The following POLQ variants were observed in gnomAD, a reference collection of about 807,000 sequenced individuals.
POLQ encodes epididymis secretory sperm binding protein.
In POLQ, 233 loss-of-function variants were observed where a neutral mutation model predicts 259.2. That is an observed-to-expected ratio of 0.90 (90% CI 0.81 to 1.00). The LOEUF (loss-of-function observed/expected upper bound fraction) is 1.00. Ranked by LOEUF, POLQ falls within the 50% of genes least tolerant of loss-of-function variation. POLQ has a pLI of 0.00. For missense variants in POLQ, 2,871 were observed against 3,051.6 expected (o/e 0.94, Z 1.39); for synonymous variants, 1,025 against 1,048.8 (o/e 0.98, Z 0.44).
chr3:121,502,463 C>T (rs544122851), intron 12 of POLQ, among the ~76,000 whole-genome samples: 2 of 152,212 alleles, frequency 1.3e-5, no homozygotes, highest in Admixed American at 1.3e-4. Context: ...CTCAGCCTAC[C>T]GAAGTGCTGA....
intron 7 of POLQ, among the ~76,000 whole-genome samples, 172 bp from the exon 8 acceptor site, chr3:121,522,321 T>G (rs2048343144): frequency 9.2e-6 from 1 of 109,226 alleles, no homozygotes; most frequent in Non-Finnish European, 1.8e-5. Flanking sequence ...TTTTTTTTTT[T>G]TGAGACGGAG....
chr3:121,484,758 C>T (rs112075554), intron 17 of POLQ, among the ~76,000 whole-genome samples: 2,648 of 151,994 alleles, frequency 0.017, 68 homozygotes, highest in African/African-American at 0.059. Context: ...CAAAATTAGC[C>T]GGCGCAGTGG....
At position 121,488,603 on chromosome 3, in the gene POLQ, T is replaced by C. The variant is rs1178308094; in HGVS notation, c.4328A>G (p.Asn1443Ser). The change falls in exon 16 of 30, where the codon AAT (asparagine) becomes AGT (serine). Residue 1443 changes from asparagine to serine, a missense_variant. Physicochemically the swap from Asn to Ser is conservative, Grantham distance 46. Transcript: ENST00000264233. ...NEVSVTDSQL[N>S]SFLQGYQTQE... Reference sequence around the variant, plus strand: ...TGTTTGATAACCTTGAAGAAAACTATTTAATTGTGAATCAGTAACAGAAAC... The same window carrying C: ...TGTTTGATAACCTTGAAGAAAACTACTTAATTGTGAATCAGTAACAGAAAC... The C allele has an allele frequency of 1.2e-6, 2 of 1,607,014 alleles. No homozygotes were observed. The highest frequency in any genetic ancestry group is 1.7e-6 in the Non-Finnish European group (2 of 1,177,906).
intron 15 of POLQ, among the ~76,000 whole-genome samples, chr3:121,493,128 C>A (rs1051875605): frequency 6.6e-6 from 1 of 151,728 alleles, no homozygotes; most frequent in African/African-American, 2.4e-5. Context: ...ATGGTGAAAC[C>A]CTGTCTCTAC....
intron 7 of POLQ, among the ~76,000 whole-genome samples, chr3:121,525,845 G>T (rs1451141947): frequency 1.3e-5 from 2 of 152,058 alleles, no homozygotes; most frequent in Non-Finnish European, 1.5e-5. Context: ...GTGTCTACTA[G>T]CTCTTGAATT....
intron 26 of POLQ, among the ~76,000 whole-genome samples, chr3:121,444,534 C>T (rs972169149): frequency 2.6e-5 from 4 of 152,146 alleles, no homozygotes; most frequent in Non-Finnish European, 4.4e-5. Flanking sequence ...ATCATATCTT[C>T]TACAAACAAG....
chr3:121,480,333 T>C (rs1452272108), intron 19 of POLQ, among the ~76,000 whole-genome samples: 2 of 152,318 alleles, frequency 1.3e-5, no homozygotes, highest in African/African-American at 4.8e-5. Flanking sequence ...AACATATCTA[T>C]ATCTCTTTCT....
At chr3:121,499,483 G>C (rs73193629) in intron 12 of POLQ, among the ~76,000 whole-genome samples, 5,498 of 152,112 alleles carry the variant, frequency 0.036, 151 homozygotes, top group Middle Eastern at 0.082. Context: ...TCAGACTCCT[G>C]GCCTCAAGCA....
chr3:121,458,398 A>AAAAT (rs574702472), intron 25 of POLQ, among the ~76,000 whole-genome samples: 2,183 of 151,870 alleles, frequency 0.014, 48 homozygotes, highest in African/African-American at 0.049. Flanking sequence ...TAATAAAATA[A>AAAAT]AAATAAATAA....
rs776736443 is a variant in POLQ at position 121,489,341 on chromosome 3, C to T, written c.3590G>A (p.Arg1197Gln). Residue 1197 changes from arginine (R) to glutamine (Q), a missense_variant, in exon 16 of 30, where the codon CGA becomes CAA. Physicochemically the swap from Arg to Gln is conservative, Grantham distance 43. Transcript: ENST00000264233. ...GCTTGTCTGTTCATGAGATTGCTTT[C>T]GCAGGTACTGGTTAATTGGATGGAT... ...HDIHPINQYL[R>Q]KQSHEQTSTI... The T allele has an allele frequency of 3.7e-6, 6 of 1,613,208 alleles. No homozygotes were observed. The highest frequency in any genetic ancestry group is 1.7e-5 in the Admixed American group (1 of 59,848).
intron 20 of POLQ, among the ~76,000 whole-genome samples, chr3:121,474,680 GT>G (rs1417804999): frequency 6.6e-6 from 1 of 152,154 alleles, no homozygotes; most frequent in Non-Finnish European, 1.5e-5. Flanking sequence ...TTGAACTGGG[GT>G]TTTAGGAATG....
At chr3:121,528,636 C>G (rs1385264721) in intron 7 of POLQ, among the ~76,000 whole-genome samples, 2 of 152,016 alleles carry the variant, frequency 1.3e-5, no homozygotes, top group African/African-American at 4.8e-5. Context: ...AGCCACCACG[C>G]CTGGCAGAAA....
rs369777633 is a variant in POLQ at position 121,489,116 on chromosome 3, G to A, written c.3815C>T (p.Ala1272Val). 10 of 1,613,594 alleles carry A rather than the reference G, an allele frequency of 6.2e-6. No homozygotes were observed. The East Asian group carries it at 6.7e-5, about 11-fold the overall frequency. ...TVIPSEVLPS[A>V]GAFSKSEGQH... is the part of the protein sequence containing the mutation. Reference sequence around the variant, plus strand: ...GCCTTCTGATTTGCTAAATGCTCCAGCTGATGGAAGTACTTCACTGGGTAT... The same window carrying A: ...GCCTTCTGATTTGCTAAATGCTCCAACTGATGGAAGTACTTCACTGGGTAT... Residue 1272 changes from alanine (A) to valine (V), a missense_variant, in exon 16 of 30, where the codon GCT becomes GTT. By Grantham distance (64) the Ala-to-Val change is moderately conservative. Around this residue, in one of 3 missense-constraint regions of POLQ, gnomAD observed 2,080 missense variants for 2,126.0 expected, o/e 0.98. Coordinates refer to ENST00000264233, the MANE Select transcript of POLQ (RefSeq NM_199420.4).
At chr3:121,442,754 A>G (rs2047604538) in intron 26 of POLQ, among the ~76,000 whole-genome samples, 1 of 152,170 alleles carries the variant, frequency 6.6e-6, no homozygotes, top group Non-Finnish European at 1.5e-5. Context: ...TAAACATGGG[A>G]GTGCATGCAG....
intron 12 of POLQ, among the ~76,000 whole-genome samples, chr3:121,501,661 C>CAAAAAAAA (rs60180456): frequency 2.5e-5 from 1 of 39,942 alleles, no homozygotes; most frequent in African/African-American, 1.1e-4. Context: ...GACTCCGTCT[C>CAAAAAAAA]AAAAAAAAAA....
intron 6 of POLQ, among the ~76,000 whole-genome samples, chr3:121,530,605 G>T (rs1254121436): frequency 6.6e-6 from 1 of 152,188 alleles, no homozygotes; most frequent in Non-Finnish European, 1.5e-5. Flanking sequence ...TAGCTGAGAT[G>T]TGAAGGTGGG....
At chr3:121,456,008 G>A (rs1324758479) in intron 25 of POLQ, among the ~76,000 whole-genome samples, 2 of 152,128 alleles carry the variant, frequency 1.3e-5, no homozygotes, top group Non-Finnish European at 2.9e-5. Context: ...ACCAAATCCA[G>A]CAGCACATCA....
At chr3:121,454,126 A>G (rs1224115291) in intron 25 of POLQ, among the ~76,000 whole-genome samples, 3 of 152,214 alleles carry the variant, frequency 2.0e-5, no homozygotes. Context: ...ATATCCAGCC[A>G]AACTAAGCTT....
intron 12 of POLQ, among the ~76,000 whole-genome samples, chr3:121,501,823 T>C (rs1170096876): frequency 6.6e-6 from 1 of 150,956 alleles, no homozygotes; most frequent in African/African-American, 2.4e-5. Flanking sequence ...CTGTCTCTAC[T>C]AAAAATACAA....
Sources: allele counts gnomAD v4.1 joint callset (sites outside exome capture counted in the v4.1 genomes callset), GRCh38; gene constraint gnomAD v4.1.1; regional missense constraint gnomAD v4.1.1; transcripts MANE v1.5; gene names NCBI Gene and HGNC (gene_info 2026-07-23, HGNC 2026-07-21).